Variants in PHACTR1 observed in about 807,000 individuals in gnomAD.
PHACTR1 encodes RPEL repeat containing 1.
A neutral mutation model predicts 69.2 loss-of-function variants in PHACTR1; 16 were observed. The observed-to-expected ratio is 0.23, with a 90% CI of 0.16 to 0.35. PHACTR1 has a LOEUF of 0.35. Among genes scored for constraint, PHACTR1 ranks in the 10% least tolerant of loss-of-function variants. The pLI, the probability that PHACTR1 is intolerant of heterozygous loss-of-function variation, is 1.00. For synonymous variants in PHACTR1, 312 were observed against 284.5 expected (o/e 1.10, Z -0.97); for missense variants, 510 against 734.7 (o/e 0.69, Z 3.54).
chr6:13,218,027 T>C (rs1326357460), intron 8 of PHACTR1, among the ~76,000 whole-genome samples: 3 of 152,268 alleles, frequency 2.0e-5, no homozygotes, highest in Admixed American at 1.3e-4. Flanking sequence ...CAGTGTCATA[T>C]TTGTAGATAA....
At chr6:12,855,870 C>G (rs1366222922) in intron 4 of PHACTR1, among the ~76,000 whole-genome samples, 1 of 152,052 alleles carries the variant, frequency 6.6e-6, no homozygotes, top group South Asian at 2.1e-4. Context: ...ACAGTATTAC[C>G]TGAGAATAAA....
chr6:13,258,287 G>A (rs1443615133), intron 10 of PHACTR1, among the ~76,000 whole-genome samples: 4 of 151,816 alleles, frequency 2.6e-5, no homozygotes, highest in Admixed American at 6.6e-5. Context: ...CCTGGGAGGC[G>A]GAGGTTGTAG....
At chr6:12,838,470 C>A (rs1312682723) in intron 4 of PHACTR1, among the ~76,000 whole-genome samples, 1 of 152,106 alleles carries the variant, frequency 6.6e-6, no homozygotes, top group Non-Finnish European at 1.5e-5. Flanking sequence ...CAGTTAAAGG[C>A]AGTACTTTAG....
At chr6:13,034,163 G>GC (rs1802919707) in intron 4 of PHACTR1, among the ~76,000 whole-genome samples, 3 of 151,718 alleles carry the variant, frequency 2.0e-5, no homozygotes, top group Non-Finnish European at 4.4e-5. Context: ...GACTACAGGC[G>GC]CCCGCCACCA....
chr6:13,115,367 C>T (rs1405387458), intron 5 of PHACTR1, among the ~76,000 whole-genome samples: 1 of 152,188 alleles, frequency 6.6e-6, no homozygotes, highest in Non-Finnish European at 1.5e-5. Context: ...CTCAAACCTT[C>T]AACACAAACA....
At chr6:12,727,196 C>T (rs1254436285) in intron 3 of PHACTR1, among the ~76,000 whole-genome samples, 8 of 152,172 alleles carry the variant, frequency 5.3e-5, no homozygotes, top group Admixed American at 5.2e-4. Flanking sequence ...GCTTTCCAAA[C>T]CTGTGTTTAA....
intron 4 of PHACTR1, among the ~76,000 whole-genome samples, chr6:12,869,362 C>T (rs752394817): frequency 5.3e-5 from 8 of 152,184 alleles, no homozygotes; most frequent in Non-Finnish European, 7.3e-5. Context: ...GAGTCCAGCC[C>T]TATCCCAATC....
At chr6:13,212,186 AC>A (rs1241406132) in intron 8 of PHACTR1, among the ~76,000 whole-genome samples, 4 of 151,990 alleles carry the variant, frequency 2.6e-5, no homozygotes, top group Non-Finnish European at 4.4e-5. Context: ...CTCTTTAAAG[AC>A]CCTACTTCCA....
intron 3 of PHACTR1, among the ~76,000 whole-genome samples, chr6:12,736,792 AT>A (rs942178828): frequency 6.6e-6 from 1 of 152,208 alleles, no homozygotes; most frequent in Non-Finnish European, 1.5e-5. Context: ...AGATTCACCT[AT>A]TAAAAAATTG....
At chr6:13,042,365 T>C (rs1209479327) in intron 4 of PHACTR1, among the ~76,000 whole-genome samples, 2 of 152,204 alleles carry the variant, frequency 1.3e-5, no homozygotes, top group African/African-American at 4.8e-5. Flanking sequence ...ACTAAGGATC[T>C]TTCTTCTTAG....
rs80050085 is a variant in PHACTR1 at position 12,928,478 on chromosome 6, G to A, written c.251-124887G>A. 3.3e-3 allele frequency among the ~76,000 whole-genome samples: 505 copies of A among 152,276 alleles called. 1 individual carries two copies. Among genetic ancestry groups the A allele is most frequent in the Admixed American group, 6.8e-3 (104 of 15,306 alleles). On this transcript the variant is annotated intron_variant, in intron 4 of 14. Coordinates refer to ENST00000332995, the MANE Select transcript of PHACTR1 (RefSeq NM_030948.6). ...TCTTTCTTTTATCTTCAGAATCCTG[G>A]TTTAATTTCTACCTTTTCCTCAAAG...
At chr6:13,081,836 A>G (rs1583275352) in intron 5 of PHACTR1, among the ~76,000 whole-genome samples, 1 of 152,176 alleles carries the variant, frequency 6.6e-6, no homozygotes, top group Non-Finnish European at 1.5e-5. Context: ...CTAAAACAAT[A>G]AAAACAAGAA....
intron 8 of PHACTR1, among the ~76,000 whole-genome samples, chr6:13,217,940 C>G (rs1467923030): frequency 6.6e-6 from 1 of 152,232 alleles, no homozygotes; most frequent in Non-Finnish European, 1.5e-5. Context: ...TATTCTCTCT[C>G]CCCTCTGAAA....
At chr6:13,011,896 T>C (rs1249822702) in intron 4 of PHACTR1, among the ~76,000 whole-genome samples, 1 of 152,234 alleles carries the variant, frequency 6.6e-6, no homozygotes, top group Non-Finnish European at 1.5e-5. Flanking sequence ...TCAACCAGTA[T>C]AACAAACAGG....
rs181164720 is a variant in PHACTR1, at chr6:13,184,717, T to G, written c.664+2031T>G. 2.2e-4 allele frequency: 248 copies of G among 1,127,012 alleles called. 1 individual carries two copies. In the East Asian group the frequency reaches 9.6e-3, roughly 44 times the overall value. The allele number at this position is 1,127,012 out of a possible 1,614,324, so 69.8% of individuals were successfully genotyped here. On this transcript the variant is annotated intron_variant, in intron 7 of 14. Transcript: ENST00000332995. ...TGCTCCGCTGTGTTGCCAGCCCGAG[T>G]CCCTGTCCTGTGTTCCCCGCTGGCC...
chr6:12,840,449 G>A (rs1367307956), intron 4 of PHACTR1, among the ~76,000 whole-genome samples: 1 of 152,148 alleles, frequency 6.6e-6, no homozygotes, highest in South Asian at 2.1e-4. Flanking sequence ...AAAGAAGACT[G>A]TGTTCATGAG....
intron 4 of PHACTR1, among the ~76,000 whole-genome samples, chr6:12,794,630 C>T (rs980884644): frequency 6.6e-6 from 1 of 152,216 alleles, no homozygotes; most frequent in Non-Finnish European, 1.5e-5. Flanking sequence ...GGCATAAAAA[C>T]TTCAAGAAGT....
intron 6 of PHACTR1, among the ~76,000 whole-genome samples, chr6:13,161,360 T>C: frequency 6.6e-6 from 1 of 152,096 alleles, no homozygotes; most frequent in East Asian, 1.9e-4. Flanking sequence ...CTCCTCTCCC[T>C]CTTATCTCTT....
chr6:12,718,383 T>G (rs1429953120), intron 2 of PHACTR1: 1 of 153,710 alleles, frequency 6.5e-6, no homozygotes, highest in Non-Finnish European at 1.4e-5. Context: ...TTTTGAAAAC[T>G]GATAGCATGT....
Sources: allele counts gnomAD v4.1 joint callset (sites outside exome capture counted in the v4.1 genomes callset), GRCh38; gene constraint gnomAD v4.1.1; transcripts MANE v1.5; gene names NCBI Gene and HGNC (gene_info 2026-07-23, HGNC 2026-07-21).